The following NIPBL variants were observed in gnomAD, a reference collection of about 807,000 sequenced individuals.
The protein encoded by NIPBL is NIPBL cohesin loading factor, also known as nipped-B-like protein.
NIPBL carries 19 observed loss-of-function variants against 321.8 expected under a neutral mutation model. The observed-to-expected ratio is 0.06, with a 90% CI of 0.04 to 0.09. The LOEUF (loss-of-function observed/expected upper bound fraction) is 0.09, where lower values mean the gene tolerates loss of function less well. Ranked by LOEUF, NIPBL falls within the 10% of genes least tolerant of loss-of-function variation. The pLI is 1.00. For synonymous variants in NIPBL, 1,106 were observed against 1,114.1 expected (o/e 0.99, Z 0.14); for missense variants, 2,210 against 3,327.0 (o/e 0.66, Z 8.26).
chr5:37,048,045 G>A (rs1395206547), intron 38 of NIPBL, among the ~76,000 whole-genome samples: 5 of 151,946 alleles, frequency 3.3e-5, no homozygotes, highest in Non-Finnish European at 7.4e-5. Flanking sequence ...TCTGAAAAAT[G>A]TTTGCAGACA....
Position 37,045,602 on chromosome 5 carries a change from A to T in NIPBL, c.6498+5A>T. 6.2e-7 allele frequency: 1 copy of T among 1,613,288 alleles called. No individual in the cohort carries two copies. Among genetic ancestry groups the T allele is most frequent in the Non-Finnish European group, 8.5e-7 (1 of 1,179,280 alleles). On this transcript the variant is annotated splice_donor_5th_base_variant and intron_variant, in intron 37 of 46. Transcript: ENST00000282516. The stretch of plus-strand genomic sequence containing the variant: ...GATTTTAAAGGCAACAGCAAGGTAA[A>T]GGTAGTAATACTTAAAATGCTATAA...
chr5:36,935,285 A>T (rs1750072251), intron 1 of NIPBL, among the ~76,000 whole-genome samples: 1 of 152,100 alleles, frequency 6.6e-6, no homozygotes. Flanking sequence ...AAAACCTCCA[A>T]CATCTCTTCT....
In NIPBL at chr5:36,932,778, G is replaced by GTTTTT. The variant is rs35264312; in HGVS notation, c.-79-20819_-79-20815dup. On this transcript the variant is annotated intron_variant, in intron 1 of 46. Coordinates refer to ENST00000282516, the MANE Select transcript of NIPBL (RefSeq NM_133433.4). ...AGTGTACTATTTAAATTCCTCTGCTGTTTTTTTTTTTTTTTTTTTTTTTTT... is the reference window on the plus strand; with the variant it reads ...AGTGTACTATTTAAATTCCTCTGCTGTTTTTTTTTTTTTTTTTTTTTTTTTTTTTT... 1.8e-3 allele frequency among the ~76,000 whole-genome samples: 126 copies of GTTTTT among 69,826 alleles called. 3 individuals carry two copies. Among genetic ancestry groups the GTTTTT allele is most frequent in the African/African-American group, 4.2e-3 (70 of 16,486 alleles). 45.8% of individuals were successfully genotyped at this position (69,826 alleles called of 152,430 possible). A position where few individuals can be genotyped will look rare whatever the true frequency, so the allele number is the denominator to read the frequency against.
At chr5:37,045,675 C>G (rs1479630076) in intron 37 of NIPBL, 78 bp downstream of exon 37, 1 of 1,433,728 alleles carries the variant, frequency 7.0e-7, no homozygotes, top group Non-Finnish European at 9.8e-7. Flanking sequence ...AGTAGTGACC[C>G]AGGATGAAGG....
intron 1 of NIPBL, chr5:36,885,414 G>T: frequency 2.2e-6 from 1 of 455,190 alleles, no homozygotes; most frequent in South Asian, 1.7e-5. Flanking sequence ...ATGGCCCAGG[G>T]TCTGGCAGGA....
At chr5:37,063,760 A>C (rs778507140) in intron 45 of NIPBL, 30 bp from the exon 46 acceptor site, 1 of 1,585,034 alleles carries the variant, frequency 6.3e-7, no homozygotes, top group South Asian at 1.1e-5. Flanking sequence ...TATTTACTTA[A>C]AATTCTGAAA....
At chr5:37,001,966 C>T (rs931797074) in intron 14 of NIPBL, among the ~76,000 whole-genome samples, 1 of 152,126 alleles carries the variant, frequency 6.6e-6, no homozygotes, top group African/African-American at 2.4e-5. Flanking sequence ...TAAAACTTTA[C>T]AGTTCTGTGC....
In NIPBL at chr5:37,002,774, C is replaced by T; in HGVS notation, c.3768+9C>T. On this transcript the variant is annotated intron_variant, in intron 15 of 46. Coordinates refer to ENST00000282516, the MANE Select transcript of NIPBL (RefSeq NM_133433.4). Reference sequence around the variant, plus strand: ...TGGGTATAATGGATAAGGTATCTCACCAAAGTAAAATTTATAAATTTACTT... The same window carrying T: ...TGGGTATAATGGATAAGGTATCTCATCAAAGTAAAATTTATAAATTTACTT... The T allele has an allele frequency of 7.0e-7, 1 of 1,432,750 alleles. No homozygotes were observed. Among genetic ancestry groups the T allele is most frequent in the Non-Finnish European group, 9.8e-7 (1 of 1,018,422 alleles). The allele number at this position is 1,432,750 out of a possible 1,614,324, so 88.8% of individuals were successfully genotyped here.
intron 32 of NIPBL, among the ~76,000 whole-genome samples, 191 bp downstream of exon 32, chr5:37,027,603 G>GTTTTTTTTTT (rs781358128): frequency 4.3e-5 from 3 of 69,764 alleles, no homozygotes; most frequent in African/African-American, 6.6e-5. Context: ...CCTGGTTGTG[G>GTTTTTTTTTT]TTTTTTTTTT....
At chr5:36,886,063 G>C (rs141252154) in intron 1 of NIPBL, 2 of 701,914 alleles carry the variant, frequency 2.8e-6, no homozygotes, top group African/African-American at 3.5e-5. Flanking sequence ...CTCAGTCCGC[G>C]CAGGTCGGAG....
At chr5:36,905,498 C>T (rs1432524330) in intron 1 of NIPBL, among the ~76,000 whole-genome samples, 1 of 152,132 alleles carries the variant, frequency 6.6e-6, no homozygotes, top group Non-Finnish European at 1.5e-5. Flanking sequence ...GCGGTTTCCC[C>T]TGTGCAGTTT....
At chr5:36,921,299 A>G (rs1326153618) in intron 1 of NIPBL, among the ~76,000 whole-genome samples, 1 of 152,180 alleles carries the variant, frequency 6.6e-6, no homozygotes, top group African/African-American at 2.4e-5. Flanking sequence ...AAAATCTATG[A>G]TGAAATCTTA....
intron 41 of NIPBL, among the ~76,000 whole-genome samples, 163 bp from the exon 42 acceptor site, chr5:37,052,203 A>G (rs1050167227): frequency 6.6e-6 from 1 of 152,092 alleles, no homozygotes; most frequent in Non-Finnish European, 1.5e-5. Flanking sequence ...GGGAATTGTA[A>G]GAGATAATCT....
At chr5:37,021,840 C>T (rs1177813591) in intron 27 of NIPBL, among the ~76,000 whole-genome samples, 2 of 152,050 alleles carry the variant, frequency 1.3e-5, no homozygotes, top group Non-Finnish European at 2.9e-5. Flanking sequence ...ATTGGATAAA[C>T]GAAAGGCTCC....
chr5:36,925,299 A>C, intron 1 of NIPBL, among the ~76,000 whole-genome samples: 1 of 142,478 alleles, frequency 7.0e-6, no homozygotes, highest in East Asian at 2.0e-4. Flanking sequence ...ATGGATTTTC[A>C]CTCTTGTTGC....
intron 1 of NIPBL, among the ~76,000 whole-genome samples, chr5:36,878,606 T>C (rs190742518): frequency 2.9e-3 from 440 of 152,366 alleles, no homozygotes; most frequent in Non-Finnish European, 5.2e-3. Context: ...GTTCATATTT[T>C]TTGTGTCATT....
chr5:36,928,594 TTAAG>T (rs1240627448), intron 1 of NIPBL, among the ~76,000 whole-genome samples: 6 of 152,190 alleles, frequency 3.9e-5, no homozygotes, highest in Non-Finnish European at 8.8e-5. Context: ...GTTCACCTGT[TTAAG>T]TATACAATTT....
intron 32 of NIPBL, among the ~76,000 whole-genome samples, chr5:37,031,830 G>A (rs1018960571): frequency 1.3e-5 from 2 of 152,164 alleles, no homozygotes; most frequent in Admixed American, 1.3e-4. Flanking sequence ...ATTGTGCAGA[G>A]TAAAAGAAGC....
intron 32 of NIPBL, among the ~76,000 whole-genome samples, chr5:37,032,293 A>G (rs1405344246): frequency 6.6e-6 from 1 of 152,018 alleles, no homozygotes; most frequent in East Asian, 1.9e-4. Context: ...CAAGGAAAAA[A>G]CGGGGAGTAT....
Sources: allele counts gnomAD v4.1 joint callset (sites outside exome capture counted in the v4.1 genomes callset), GRCh38; gene constraint gnomAD v4.1.1; transcripts MANE v1.5; gene names NCBI Gene and HGNC (gene_info 2026-07-23, HGNC 2026-07-21).